The following HSDL1 variants were observed in gnomAD, a reference collection of about 807,000 sequenced individuals.
HSDL1 encodes the protein inactive hydroxysteroid dehydrogenase-like protein 1.
HSDL1 carries 29 observed loss-of-function variants against 31.5 expected under a neutral mutation model. The observed-to-expected ratio is 0.92, with a 90% confidence interval of 0.69 to 1.26. The LOEUF (loss-of-function observed/expected upper bound fraction) is 1.26, where lower values mean the gene tolerates loss of function less well. Ranked by LOEUF, HSDL1 falls within the 50% of genes most tolerant of loss-of-function variation. The pLI is 0.00. For missense variants in HSDL1, 503 were observed against 416.6 expected (o/e 1.21, Z -1.81); for synonymous variants, 222 against 155.2 (o/e 1.43, Z -3.20).
chr16:84,139,699 C>T (rs764675835), intron 1 of HSDL1, among the ~76,000 whole-genome samples: 3 of 152,062 alleles, frequency 2.0e-5, no homozygotes, highest in Non-Finnish European at 4.4e-5. Flanking sequence ...TTCAGGACAG[C>T]GAAGAGACAA....
chr16:84,143,975 A>T lies in HSDL1; in HGVS notation c.-69+1105T>A, dbSNP rs375498710. On this transcript the variant is annotated intron_variant, in intron 1 of 5. Coordinates refer to ENST00000219439, the MANE Select transcript of HSDL1 (RefSeq NM_031463.5). ...GGTAGCAGGAGCTGAGATCGCAGGCACCATTGCACTACAGCCCGGGCGACA... is the reference window on the plus strand; with the variant it reads ...GGTAGCAGGAGCTGAGATCGCAGGCTCCATTGCACTACAGCCCGGGCGACA... Among the ~76,000 whole-genome samples the T allele has an allele frequency of 8.9e-4, 136 of 152,016 alleles. 3 individuals are homozygous for T. The South Asian group carries it at 0.026, about 29-fold the overall frequency.
chr16:84,130,924 G>C (rs1597374597), intron 3 of HSDL1, 178 bp downstream of exon 3: 2 of 610,722 alleles, frequency 3.3e-6, no homozygotes, highest in East Asian at 2.8e-5. Flanking sequence ...CATGAGGCCA[G>C]TTCTTCCTAA....
At chr16:84,127,661 T>G (rs1597372139) in intron 5 of HSDL1, among the ~76,000 whole-genome samples, 1 of 144,828 alleles carries the variant, frequency 6.9e-6, no homozygotes, top group African/African-American at 2.5e-5. Context: ...TTAAGAAAAC[T>G]CCGAATATTA....
intron 2 of HSDL1, among the ~76,000 whole-genome samples, chr16:84,135,246 GA>G (rs796269801): frequency 0.07 from 8,458 of 120,770 alleles, 735 homozygotes; most frequent in African/African-American, 0.23. Flanking sequence ...AAAGAAAAAA[GA>G]AAAAAAAAAA....
At chr16:84,138,887 G>A (rs189338654) in intron 1 of HSDL1, among the ~76,000 whole-genome samples, 8 of 152,318 alleles carry the variant, frequency 5.3e-5, no homozygotes, top group African/African-American at 1.9e-4. Flanking sequence ...AAGCACCACT[G>A]CTGTGGCCTG....
At chr16:84,135,988 T>C (rs552243922) in intron 1 of HSDL1, among the ~76,000 whole-genome samples, 1 of 152,344 alleles carries the variant, frequency 6.6e-6, no homozygotes, top group Admixed American at 6.5e-5. Flanking sequence ...GCCACAGCTG[T>C]CCTCGGTGCC....
rs2086572634 is a variant in HSDL1 at position 84,123,290 on chromosome 16, C to G, written c.*1340G>C. ...TTATCACGTCACGAAAAAAATGCCA[C>G]AGAAGTCCAGACTTTTAACCAATCT... On this transcript the variant is annotated 3_prime_UTR_variant, in exon 6 of 6. Transcript: ENST00000219439. The G allele has an allele frequency of 6.6e-6, 1 of 152,208 alleles. No individual in the cohort carries two copies. The highest frequency in any genetic ancestry group is 1.5e-5 in the Non-Finnish European group (1 of 68,040). The allele number at this position is 152,208 out of a possible 1,614,324, so 9.4% of individuals were successfully genotyped here. A position where few individuals can be genotyped will look rare whatever the true frequency, so the allele number is the denominator to read the frequency against.
Position 84,124,521 on chromosome 16 carries a change from C to T in HSDL1, c.*109G>A. ...TTGCAAATGACGAATCAACAGTATG[C>T]TGAATAATCAGCAATGAAACACAGG... is the stretch of plus-strand genomic sequence containing the variant. On this transcript the variant is annotated 3_prime_UTR_variant, in exon 6 of 6. Transcript: ENST00000219439. 1.4e-6 allele frequency: 1 copy of T among 730,484 alleles called. No individual in the cohort carries two copies. Among genetic ancestry groups the T allele is most frequent in the Non-Finnish European group, 2.5e-6 (1 of 406,178 alleles). 45.3% of individuals were successfully genotyped at this position (730,484 alleles called of 1,614,324 possible). A position where few individuals can be genotyped will look rare whatever the true frequency, so the allele number is the denominator to read the frequency against.
chr16:84,130,089 A>G lies in HSDL1; in HGVS notation c.563T>C (p.Val188Ala). The G allele has an allele frequency of 1.9e-6, 3 of 1,614,152 alleles. No homozygotes were observed. The highest frequency in any genetic ancestry group is 2.5e-6 in the Non-Finnish European group (3 of 1,180,028). Residue 188 changes from valine to alanine, a missense_variant, in exon 4 of 6, where the codon GTG becomes GCG. Transcript: ENST00000219439. The part of the protein sequence containing the change: ...IAAASLMVHV[V>A]LPGMVERKKG... ...CTTTCTCTCCACCATTCCCGGTAAC[A>G]CAACATGGACCATCAAACTAGCGGC... is the stretch of plus-strand genomic sequence containing the variant.
chr16:84,129,111 G>A (rs552060154), intron 5 of HSDL1, among the ~76,000 whole-genome samples: 6 of 152,096 alleles, frequency 3.9e-5, no homozygotes, highest in Admixed American at 2.0e-4. Flanking sequence ...GGTCAGGCAC[G>A]GTGGCTCACG....
intron 1 of HSDL1, among the ~76,000 whole-genome samples, chr16:84,137,801 T>C (rs2086726012): frequency 1.3e-5 from 2 of 152,242 alleles, no homozygotes; most frequent in Admixed American, 1.3e-4. Flanking sequence ...TCATAGCCTC[T>C]CACTGAAACT....
At chr16:84,141,095 A>G (rs923264757) in intron 1 of HSDL1, among the ~76,000 whole-genome samples, 3 of 133,022 alleles carry the variant, frequency 2.3e-5, no homozygotes, top group Non-Finnish European at 4.5e-5. Context: ...CGTCTCAAAC[A>G]AAAAAAAAAA....
In HSDL1 at chr16:84,125,625, G is replaced by T. The variant is rs181439243; in HGVS notation, c.895-897C>A. ...CACATTAAATACAACAAAGGAAAAA[G>T]CCTCCAGGTACTACTGTACTGAATA... On this transcript the variant is annotated intron_variant, in intron 5 of 5. Transcript: ENST00000219439. 2.0e-5 allele frequency among the ~76,000 whole-genome samples: 3 copies of T among 152,212 alleles called. No homozygotes were observed. In the East Asian group the frequency reaches 5.8e-4, roughly 29 times the overall value.
intron 1 of HSDL1, among the ~76,000 whole-genome samples, chr16:84,137,004 AC>A (rs2086719162): frequency 7.0e-6 from 1 of 143,884 alleles, no homozygotes; most frequent in Non-Finnish European, 1.5e-5. Context: ...ACACACGGTC[AC>A]TGGTCCTACA....
rs2151182107 is a variant in HSDL1 at position 84,122,629 on chromosome 16, GGT to G, written c.*1999_*2000del. 6.6e-6 allele frequency: 1 copy of G among 152,332 alleles called. No homozygotes were observed. The highest frequency in any genetic ancestry group is 1.5e-5 in the Non-Finnish European group (1 of 68,080). 9.4% of individuals were successfully genotyped at this position (152,332 alleles called of 1,614,324 possible). On this transcript the variant is annotated 3_prime_UTR_variant, in exon 6 of 6. Transcript: ENST00000219439. ...GGCCTTCCAAACTGCTGGGATTACA[GGT>G]GTGAGCCACCGCACTCGGCCCCTAT...
At chr16:84,130,453 G>C (rs2086652678) in intron 3 of HSDL1, 22 bp from the exon 4 acceptor site, 1 of 1,580,252 alleles carries the variant, frequency 6.3e-7, no homozygotes, top group Middle Eastern at 2.3e-4. Flanking sequence ...GTCAGGAAAA[G>C]TGAGCATGTG....
chr16:84,140,530 G>A (rs796119044), intron 1 of HSDL1, among the ~76,000 whole-genome samples: 16 of 152,226 alleles, frequency 1.1e-4, no homozygotes, highest in African/African-American at 3.9e-4. Flanking sequence ...CTCCCAAAGT[G>A]CTGGGATTAC....
In HSDL1 at chr16:84,130,380, C is replaced by T; in HGVS notation, c.272G>A (p.Gly91Asp). The T allele has an allele frequency of 6.2e-7, 1 of 1,613,822 alleles. No individual in the cohort carries two copies. ...CCGACTAATCAGGATTATATTGAGACCTCGGCTTGCTAACTCTTCAGCGTA... is the reference window on the plus strand; with the variant it reads ...CCGACTAATCAGGATTATATTGAGATCTCGGCTTGCTAACTCTTCAGCGTA... ...KAYAEELASR[G>D]LNIILISRNE... The change falls in exon 4 of 6, where the codon GGT becomes GAT. Residue 91 changes from glycine to aspartate, a missense_variant. By Grantham distance (94) the Gly-to-Asp change is moderately conservative. Coordinates refer to ENST00000219439, the MANE Select transcript of HSDL1 (RefSeq NM_031463.5).
In HSDL1 at chr16:84,124,286, C is replaced by T. The variant is rs968168384; in HGVS notation, c.*344G>A. On this transcript the variant is annotated 3_prime_UTR_variant, in exon 6 of 6. Coordinates refer to ENST00000219439, the MANE Select transcript of HSDL1 (RefSeq NM_031463.5). ...ATGGTCAATTTCCCTTAAAAAACAA[C>T]ATCTGAAATTATAAGACCTGACAAA... 9.7e-5 allele frequency: 17 copies of T among 175,870 alleles called. No homozygotes were observed. The East Asian group carries it at 2.5e-3, about 26-fold the overall frequency. 10.9% of individuals were successfully genotyped at this position (175,870 alleles called of 1,614,324 possible).
Sources: allele counts gnomAD v4.1 joint callset (sites outside exome capture counted in the v4.1 genomes callset), GRCh38; gene constraint gnomAD v4.1.1; transcripts MANE v1.5; gene names NCBI Gene and HGNC (gene_info 2026-07-23, HGNC 2026-07-21).